Variants in PLPP4 observed in about 807,000 individuals in gnomAD.
PLPP4 encodes diacylglycerol pyrophosphate like 2.
Under a neutral mutation model 32.2 loss-of-function variants are expected in PLPP4, and 20 were observed. The ratio of observed to expected loss-of-function variants is 0.62; its 90% CI spans 0.44 to 0.90. The LOEUF is 0.90. Among genes scored for constraint, PLPP4 ranks in the 40% least tolerant of loss-of-function variants. The probability of loss-of-function intolerance (pLI) is 0.00; values close to 1 mark genes in which losing one functional copy is unlikely to be tolerated. For synonymous variants in PLPP4, 127 were observed against 133.0 expected (o/e 0.95, Z 0.31); for missense variants, 257 against 353.1 (o/e 0.73, Z 2.18).
chr10:120,575,028 T>C, intron 5 of PLPP4, 103 bp from the exon 6 acceptor site: 1 of 1,229,108 alleles, frequency 8.1e-7, no homozygotes, highest in Non-Finnish European at 1.2e-6. Context: ...AACATGGCCT[T>C]GGCCTTGGGG....
intron 1 of PLPP4, among the ~76,000 whole-genome samples, chr10:120,465,408 A>G (rs1256974506): frequency 6.6e-6 from 1 of 152,224 alleles, no homozygotes; most frequent in African/African-American, 2.4e-5. Context: ...ACAGTCTCTC[A>G]ATATGTGAAT....
chr10:120,571,746 G>A (rs77172921), intron 5 of PLPP4, among the ~76,000 whole-genome samples: 3,127 of 152,224 alleles, frequency 0.021, 46 homozygotes, highest in Middle Eastern at 0.037. Context: ...ATTCAGTATG[G>A]GTTGGTAGAG....
intron 5 of PLPP4, among the ~76,000 whole-genome samples, chr10:120,544,201 C>CA (rs1847500295): frequency 6.6e-6 from 1 of 152,184 alleles, no homozygotes; most frequent in Non-Finnish European, 1.5e-5. Context: ...TACTGCTTTC[C>CA]ACCGCAGCTG....
intron 5 of PLPP4, among the ~76,000 whole-genome samples, chr10:120,560,329 CAAAAAA>C (rs35132547): frequency 2.9e-4 from 38 of 130,618 alleles, no homozygotes; most frequent in African/African-American, 9.0e-4. Context: ...AGGACCATTG[CAAAAAA>C]AAAAAAAAAG....
chr10:120,540,035 C>T (rs1264629792), intron 5 of PLPP4, among the ~76,000 whole-genome samples: 2 of 148,556 alleles, frequency 1.3e-5, no homozygotes, highest in East Asian at 2.0e-4. Context: ...TTGCCCTTTA[C>T]TAATATGGTC....
At chr10:120,580,941 G>C in intron 6 of PLPP4, 1 of 1,289,120 alleles carries the variant, frequency 7.8e-7, no homozygotes, top group Non-Finnish European at 1.0e-6. Context: ...ATTTACCATC[G>C]GCTGCCAACC....
intron 1 of PLPP4, among the ~76,000 whole-genome samples, chr10:120,471,694 C>T (rs186216765): frequency 8.7e-4 from 133 of 152,046 alleles, no homozygotes; most frequent in Middle Eastern, 6.8e-3. Flanking sequence ...ATCTGTCTAG[C>T]CAATCTCTGC....
chr10:120,528,137 C>G (rs552581377), intron 5 of PLPP4, among the ~76,000 whole-genome samples: 21 of 139,704 alleles, frequency 1.5e-4, no homozygotes, highest in Non-Finnish European at 2.4e-4. Flanking sequence ...TGCAGCGGCG[C>G]GATCTCGGCT....
intron 2 of PLPP4, among the ~76,000 whole-genome samples, chr10:120,512,073 G>A (rs948604184): frequency 6.6e-6 from 1 of 151,962 alleles, no homozygotes; most frequent in Non-Finnish European, 1.5e-5. Flanking sequence ...CAGCCTGGGT[G>A]ACAGAGTGAG....
intron 3 of PLPP4, among the ~76,000 whole-genome samples, chr10:120,518,279 C>T (rs1188575846): frequency 6.6e-6 from 1 of 152,092 alleles, no homozygotes; most frequent in African/African-American, 2.4e-5. Context: ...CTTCTCCAAA[C>T]CCAGTGAGGC....
intron 5 of PLPP4, among the ~76,000 whole-genome samples, chr10:120,552,787 T>G (rs1379414739): frequency 6.6e-6 from 1 of 152,320 alleles, no homozygotes; most frequent in Non-Finnish European, 1.5e-5. Flanking sequence ...GCTATAGACT[T>G]GTATCAGTGA....
chr10:120,533,601 G>T (rs900701389), intron 5 of PLPP4, among the ~76,000 whole-genome samples: 1 of 151,938 alleles, frequency 6.6e-6, no homozygotes, highest in African/African-American at 2.4e-5. Flanking sequence ...CTAACCCAAG[G>T]TCACATTTTT....
At chr10:120,531,798 A>G (rs1846736752) in intron 5 of PLPP4, among the ~76,000 whole-genome samples, 1 of 151,790 alleles carries the variant, frequency 6.6e-6, no homozygotes, top group African/African-American at 2.4e-5. Flanking sequence ...CCTATCCTTA[A>G]TCAAGAACCA....
intron 6 of PLPP4, among the ~76,000 whole-genome samples, chr10:120,577,377 T>G (rs778872071): frequency 4.2e-4 from 64 of 152,218 alleles, no homozygotes; most frequent in Non-Finnish European, 6.9e-4. Flanking sequence ...CAGCACTCTC[T>G]GGCCCTACCC....
At chr10:120,507,224 A>C (rs998877873) in intron 2 of PLPP4, among the ~76,000 whole-genome samples, 11 of 152,100 alleles carry the variant, frequency 7.2e-5, no homozygotes, top group African/African-American at 2.4e-4. Context: ...GTCCAATGAG[A>C]CTTGGGAGGT....
At chr10:120,558,867 C>CGGAA (rs1343392501) in intron 5 of PLPP4, among the ~76,000 whole-genome samples, 6 of 152,264 alleles carry the variant, frequency 3.9e-5, no homozygotes, top group African/African-American at 1.2e-4. Context: ...TGTGCTTCTT[C>CGGAA]CAAATATAAC....
chr10:120,510,844 G>A (rs886622754), intron 2 of PLPP4, among the ~76,000 whole-genome samples: 1 of 152,178 alleles, frequency 6.6e-6, no homozygotes, highest in Non-Finnish European at 1.5e-5. Flanking sequence ...TGCTGCCCAA[G>A]GATATGGCAG....
intron 5 of PLPP4, among the ~76,000 whole-genome samples, chr10:120,573,334 T>C (rs1346058068): frequency 6.6e-6 from 1 of 152,228 alleles, no homozygotes; most frequent in Non-Finnish European, 1.5e-5. Flanking sequence ...TTAATTTGGT[T>C]GCTGAAAAAA....
intron 2 of PLPP4, among the ~76,000 whole-genome samples, chr10:120,508,696 C>T (rs1465363791): frequency 6.6e-6 from 1 of 152,126 alleles, no homozygotes; most frequent in Non-Finnish European, 1.5e-5. Flanking sequence ...TGGGTGGATG[C>T]TCCATAACTT....
Sources: allele counts gnomAD v4.1 joint callset (sites outside exome capture counted in the v4.1 genomes callset), GRCh38; gene constraint gnomAD v4.1.1; transcripts MANE v1.5; gene names NCBI Gene and HGNC (gene_info 2026-07-23, HGNC 2026-07-21).